The following PHF14 variants were observed in gnomAD, a reference collection of about 807,000 sequenced individuals.
The protein encoded by PHF14 is PHD finger protein 14.
Under a neutral mutation model 117.9 loss-of-function variants are expected in PHF14, and 55 were observed. The observed-to-expected ratio is 0.47, with a 90% confidence interval of 0.38 to 0.58. The LOEUF (loss-of-function observed/expected upper bound fraction) is 0.58, where lower values mean the gene tolerates loss of function less well. PHF14 is among the 20% of genes least tolerant of loss of function. The probability of loss-of-function intolerance (pLI) is 0.00; values close to 1 mark genes in which losing one functional copy is unlikely to be tolerated. For missense variants in PHF14, 978 were observed against 1,122.2 expected, an observed-to-expected ratio of 0.87 and a Z score of 1.84; for synonymous variants, 409 against 368.6, an observed-to-expected ratio of 1.11 and a Z score of -1.26.
intron 16 of PHF14, chr7:11,103,786 C>T: frequency 8.1e-6 from 8 of 984,878 alleles, no homozygotes; most frequent in Non-Finnish European, 9.6e-6. Flanking sequence ...GTGAGGAACG[C>T]TATGATTGGA....
At chr7:11,010,574 CTATTAA>C (rs1006607084) in intron 4 of PHF14, among the ~76,000 whole-genome samples, 5 of 151,650 alleles carry the variant, frequency 3.3e-5, no homozygotes, top group African/African-American at 9.7e-5. Flanking sequence ...TAATTTGTAA[CTATTAA>C]TATTAACTAT....
chr7:11,115,311 G>T lies in PHF14; in HGVS notation c.2772+3844G>T, dbSNP rs912642031. 2.6e-5 allele frequency among the ~76,000 whole-genome samples: 4 copies of T among 151,876 alleles called. No homozygotes were observed. The East Asian group carries it at 7.7e-4, about 29-fold the overall frequency. On this transcript the variant is annotated intron_variant, in intron 17 of 17. Coordinates refer to ENST00000634607, the MANE Select transcript of PHF14 (RefSeq NM_001007157.2). ...CTTTTTAACCATTCTGCTTACTAGA[G>T]CCCTCTAAATGAAGTGTTTGCCCCA...
intron 7 of PHF14, among the ~76,000 whole-genome samples, chr7:11,030,218 A>C (rs1197405463): frequency 6.6e-6 from 1 of 151,670 alleles, no homozygotes; most frequent in East Asian, 1.9e-4. Flanking sequence ...CATAGCTACA[A>C]CTCAGGATGG....
At chr7:10,999,794 A>G (rs1161498288) in intron 4 of PHF14, among the ~76,000 whole-genome samples, 1 of 152,258 alleles carries the variant, frequency 6.6e-6, no homozygotes, top group African/African-American at 2.4e-5. Context: ...GAGATGATCA[A>G]GCTGAGTGGT....
At chr7:10,990,910 C>A in intron 4 of PHF14, 63 bp downstream of exon 4, 1 of 1,157,002 alleles carries the variant, frequency 8.6e-7, no homozygotes, top group Admixed American at 2.4e-5. Flanking sequence ...TACATTTGTA[C>A]TAAGGTGGTT....
intron 16 of PHF14, among the ~76,000 whole-genome samples, chr7:11,072,389 T>C (rs28492913): frequency 0.015 from 2,259 of 152,264 alleles, 52 homozygotes; most frequent in African/African-American, 0.051. Flanking sequence ...ATTTCCAACA[T>C]TGGGGACTAT....
chr7:10,974,359 C>T, intron 1 of PHF14, 35 bp downstream of exon 1: 1 of 1,565,082 alleles, frequency 6.4e-7, no homozygotes, highest in African/African-American at 1.4e-5. Context: ...GCGAGAGGTC[C>T]ATTTCAGCCA....
At chr7:11,157,891 C>G (rs929699145) in intron 17 of PHF14, among the ~76,000 whole-genome samples, 7 of 152,086 alleles carry the variant, frequency 4.6e-5, no homozygotes, top group Non-Finnish European at 7.4e-5. Context: ...CTTTATAGTA[C>G]TAGAAATCAA....
chr7:11,090,014 G>T (rs916483748), intron 16 of PHF14, among the ~76,000 whole-genome samples: 1 of 152,034 alleles, frequency 6.6e-6, no homozygotes, highest in Admixed American at 6.5e-5. Flanking sequence ...CAGGTGATTC[G>T]CCCGCCTTAG....
intron 17 of PHF14, among the ~76,000 whole-genome samples, chr7:11,156,595 A>G (rs1439898717): frequency 6.6e-6 from 1 of 152,176 alleles, no homozygotes; most frequent in African/African-American, 2.4e-5. Flanking sequence ...GGAGTTCGAG[A>G]CCAGCCTGAC....
intron 16 of PHF14, among the ~76,000 whole-genome samples, chr7:11,085,165 C>A (rs1279830913): frequency 6.6e-6 from 1 of 152,054 alleles, no homozygotes; most frequent in African/African-American, 2.4e-5. Flanking sequence ...TCTGTCTTTG[C>A]CCTTTAGATG....
intron 17 of PHF14, among the ~76,000 whole-genome samples, chr7:11,128,678 A>G (rs1258052316): frequency 6.6e-6 from 1 of 151,682 alleles, no homozygotes; most frequent in Non-Finnish European, 1.5e-5. Flanking sequence ...AGTATTTTAG[A>G]TGTAAATCAG....
chr7:11,115,238 T>C (rs1476634244), intron 17 of PHF14, among the ~76,000 whole-genome samples: 1 of 152,086 alleles, frequency 6.6e-6, no homozygotes, highest in Non-Finnish European at 1.5e-5. Context: ...TCTGTTATGG[T>C]TCTTCCTGTT....
At chr7:11,132,504 G>A (rs1191411931) in intron 17 of PHF14, among the ~76,000 whole-genome samples, 1 of 151,638 alleles carries the variant, frequency 6.6e-6, no homozygotes, top group Non-Finnish European at 1.5e-5. Context: ...TTAATGGGCG[G>A]TTAGGTTGTT....
intron 16 of PHF14, among the ~76,000 whole-genome samples, chr7:11,101,405 T>C (rs540046429): frequency 6.6e-6 from 1 of 152,014 alleles, no homozygotes; most frequent in African/African-American, 2.4e-5. Context: ...ACAGACAAAG[T>C]AGTTCTCAGA....
chr7:11,038,711 A>G (rs1337404339), intron 10 of PHF14, 49 bp from the exon 11 acceptor site: 2 of 737,770 alleles, frequency 2.7e-6, no homozygotes, highest in Non-Finnish European at 4.4e-6. Flanking sequence ...GATATTTCTT[A>G]AATTGTCAGA....
At chr7:10,986,076 C>T (rs1356084354) in intron 3 of PHF14, among the ~76,000 whole-genome samples, 2 of 152,004 alleles carry the variant, frequency 1.3e-5, no homozygotes, top group Non-Finnish European at 2.9e-5. Flanking sequence ...TCAGGCAATT[C>T]TCCCACCTCA....
At chr7:11,008,764 G>A (rs370166339) in intron 4 of PHF14, among the ~76,000 whole-genome samples, 2 of 151,962 alleles carry the variant, frequency 1.3e-5, no homozygotes, top group Admixed American at 6.6e-5. Context: ...GGCCGGGCGC[G>A]GTGGCTCACG....
At chr7:10,995,951 G>C (rs904537499) in intron 4 of PHF14, among the ~76,000 whole-genome samples, 1 of 152,300 alleles carries the variant, frequency 6.6e-6, no homozygotes, top group East Asian at 1.9e-4. Flanking sequence ...CTCCACCCTC[G>C]GCCAGCCCAG....
Sources: gnomAD v4.1 joint callset for allele counts (sites outside exome capture counted in the v4.1 genomes callset) on GRCh38, gnomAD v4.1.1 for gene constraint, MANE v1.5 for transcripts, NCBI Gene and HGNC (gene_info 2026-07-23, HGNC 2026-07-21) for gene names.